SPTLC3: variants seen among roughly 807,000 people sequenced by gnomAD.
SPTLC3 encodes serine palmitoyltransferase 3.
SPTLC3 carries 36 observed loss-of-function variants against 59.3 expected under a neutral mutation model. That is an observed-to-expected ratio of 0.61 (90% CI 0.47 to 0.80). The LOEUF (loss-of-function observed/expected upper bound fraction) is 0.80. SPTLC3 is among the 30% of genes least tolerant of loss of function. The probability of loss-of-function intolerance (pLI) is 0.00; values close to 1 mark genes in which losing one functional copy is unlikely to be tolerated. For missense variants in SPTLC3, 625 were observed against 685.1 expected, an observed-to-expected ratio of 0.91 and a Z score of 0.98; for synonymous variants, 257 against 240.8, an observed-to-expected ratio of 1.07 and a Z score of -0.62.
At chr20:13,018,653 T>C (rs1985686923) in intron 1 of SPTLC3, among the ~76,000 whole-genome samples, 1 of 152,252 alleles carries the variant, frequency 6.6e-6, no homozygotes, top group African/African-American at 2.4e-5. Flanking sequence ...TTTTAATATC[T>C]GCCAATTACA....
intron 9 of SPTLC3, among the ~76,000 whole-genome samples, chr20:13,141,460 C>G (rs1243853088): frequency 1.3e-5 from 2 of 152,194 alleles, no homozygotes; most frequent in Non-Finnish European, 2.9e-5. Context: ...AGAGTGTTCA[C>G]TGAATACAAA....
chr20:13,161,540 C>T (rs1011059344), intron 11 of SPTLC3, among the ~76,000 whole-genome samples: 3 of 152,076 alleles, frequency 2.0e-5, no homozygotes, highest in Non-Finnish European at 4.4e-5. Context: ...GGTGGGGACC[C>T]AGACTTACAT....
chr20:13,021,809 G>T (rs1044417349), intron 1 of SPTLC3, among the ~76,000 whole-genome samples: 1 of 152,130 alleles, frequency 6.6e-6, no homozygotes, highest in Non-Finnish European at 1.5e-5. Context: ...GCCTTGCTGA[G>T]AAATCAACTA....
At chr20:13,075,465 T>A (rs1244421925) in intron 4 of SPTLC3, among the ~76,000 whole-genome samples, 2 of 152,262 alleles carry the variant, frequency 1.3e-5, no homozygotes, top group African/African-American at 4.8e-5. Flanking sequence ...TATTCAGACT[T>A]GTGCAGCAAA....
chr20:13,131,936 C>T (rs942821079), intron 9 of SPTLC3, among the ~76,000 whole-genome samples: 45 of 152,114 alleles, frequency 3.0e-4, no homozygotes, highest in African/African-American at 9.4e-4. Context: ...CCCCTCCCCT[C>T]GCTCAGCCTA....
At chr20:13,039,253 ACT>A (rs200256135) in intron 1 of SPTLC3, among the ~76,000 whole-genome samples, 1 of 143,074 alleles carries the variant, frequency 7.0e-6, no homozygotes, top group African/African-American at 2.8e-5. Flanking sequence ...GAAATTTTCT[ACT>A]CTATTTCTAT....
At chr20:13,109,055 T>C (rs1990074173) in intron 6 of SPTLC3, among the ~76,000 whole-genome samples, 1 of 152,200 alleles carries the variant, frequency 6.6e-6, no homozygotes, top group South Asian at 2.1e-4. Context: ...CATTTTTTTC[T>C]TGCTAGGCTT....
chr20:13,097,577 G>A (rs1038972286), intron 6 of SPTLC3, among the ~76,000 whole-genome samples: 1 of 152,006 alleles, frequency 6.6e-6, no homozygotes, highest in African/African-American at 2.4e-5. Context: ...GTTTTGTTTT[G>A]TTGTTGTTTT....
intron 1 of SPTLC3, among the ~76,000 whole-genome samples, chr20:13,020,361 A>AAAAG (rs1273308286): frequency 4.0e-5 from 6 of 149,184 alleles, no homozygotes. Context: ...AAAAAAAAAG[A>AAAAG]AAAAAAAGAA....
At chr20:13,138,106 G>A (rs576126288) in intron 9 of SPTLC3, among the ~76,000 whole-genome samples, 90 of 152,242 alleles carry the variant, frequency 5.9e-4, no homozygotes, top group Middle Eastern at 3.4e-3. Context: ...CACCCCCACA[G>A]TCAGTATCAT....
intron 2 of SPTLC3, among the ~76,000 whole-genome samples, chr20:13,063,668 T>TA (rs1568584438): frequency 1.1e-4 from 17 of 150,890 alleles, no homozygotes; most frequent in African/African-American, 3.7e-4. Context: ...TTTATTTATT[T>TA]TTTGAGACAG....
chr20:13,105,810 C>G (rs1041095177), intron 6 of SPTLC3, among the ~76,000 whole-genome samples: 2 of 152,046 alleles, frequency 1.3e-5, no homozygotes, highest in African/African-American at 4.8e-5. Context: ...TCTCTTTATT[C>G]CATTCAGAGG....
chr20:13,049,413 T>G (rs551064536), intron 2 of SPTLC3: 1 of 276,040 alleles, frequency 3.6e-6, no homozygotes, highest in South Asian at 4.7e-5. Flanking sequence ...ATATAGATAT[T>G]AAACTATAAT....
In SPTLC3 at chr20:13,167,675, C is replaced by T. The variant is rs1336499684; in HGVS notation, c.*2808C>T. Reference sequence around the variant, plus strand: ...CATTATGAAACGATGGTGTCATGGACGTTTAACCATATTGCCTTTCAGCAT... The same window carrying T: ...CATTATGAAACGATGGTGTCATGGATGTTTAACCATATTGCCTTTCAGCAT... On this transcript the variant is annotated 3_prime_UTR_variant, in exon 12 of 12. Coordinates refer to ENST00000399002, the MANE Select transcript of SPTLC3 (RefSeq NM_018327.4). 2.0e-5 allele frequency: 3 copies of T among 152,136 alleles called. No homozygotes were observed. The highest frequency in any genetic ancestry group is 7.2e-5 in the African/African-American group (3 of 41,426). The allele number at this position is 152,136 out of a possible 1,614,324, so 9.4% of individuals were successfully genotyped here. A position where few individuals can be genotyped will look rare whatever the true frequency, so the allele number is the denominator to read the frequency against.
chr20:13,124,423 T>C (rs1370380103), intron 8 of SPTLC3, among the ~76,000 whole-genome samples: 1 of 148,362 alleles, frequency 6.7e-6, no homozygotes, highest in Non-Finnish European at 1.5e-5. Flanking sequence ...CAGATTTAAA[T>C]AAAGAATTTG....
chr20:13,093,611 G>C, intron 6 of SPTLC3, 34 bp downstream of exon 6: 1 of 1,583,952 alleles, frequency 6.3e-7, no homozygotes, highest in Admixed American at 1.7e-5. Context: ...ACATGTACTG[G>C]ATTGCTCCTA....
intron 7 of SPTLC3, 23 bp from the exon 8 acceptor site, chr20:13,117,483 G>T: frequency 6.4e-7 from 1 of 1,551,796 alleles, no homozygotes; most frequent in South Asian, 1.2e-5. Flanking sequence ...TGTTAGTTAT[G>T]AGCATTTCTC....
chr20:13,141,410 T>TA (rs112008708), intron 9 of SPTLC3, among the ~76,000 whole-genome samples: 3 of 152,084 alleles, frequency 2.0e-5, no homozygotes, highest in Admixed American at 6.5e-5. Context: ...ACACTTGGTT[T>TA]AAAAAAAATC....
Position 13,009,436 on chromosome 20 carries a change from T to C in SPTLC3, c.117+52T>C, listed in dbSNP as rs1985114003. 8 of 1,493,508 alleles carry C rather than the reference T, an allele frequency of 5.4e-6. No homozygotes were observed. In the East Asian group the frequency reaches 1.8e-4, roughly 34 times the overall value. The allele number at this position is 1,493,508 out of a possible 1,614,324, so 92.5% of individuals were successfully genotyped here. A position where few individuals can be genotyped will look rare whatever the true frequency, so the allele number is the denominator to read the frequency against. ...TCTGAATTACCTGAACGTTTCAATATTTCTCTGTGAAGATATTTGAGGCTG... is the reference window on the plus strand; with the variant it reads ...TCTGAATTACCTGAACGTTTCAATACTTCTCTGTGAAGATATTTGAGGCTG... On this transcript the variant is annotated intron_variant, in intron 1 of 11. Coordinates refer to ENST00000399002, the MANE Select transcript of SPTLC3 (RefSeq NM_018327.4).
Sources: gnomAD v4.1 joint callset for allele counts (sites outside exome capture counted in the v4.1 genomes callset) on GRCh38, gnomAD v4.1.1 for gene constraint, MANE v1.5 for transcripts, NCBI Gene and HGNC (gene_info 2026-07-23, HGNC 2026-07-21) for gene names.